LRRC7: variants seen among roughly 807,000 people sequenced by gnomAD.
LRRC7 encodes leucine-rich repeat-containing protein 7.
In LRRC7, 23 loss-of-function variants were observed where a neutral mutation model predicts 175.7. The ratio of observed to expected loss-of-function variants is 0.13; its 90% CI spans 0.09 to 0.19. LRRC7 has a LOEUF of 0.19. Among genes scored for constraint, LRRC7 ranks in the 10% least tolerant of loss-of-function variants. The pLI, the probability that LRRC7 is intolerant of heterozygous loss-of-function variation, is 1.00. For synonymous variants in LRRC7, 685 were observed against 680.9 expected (o/e 1.01, Z -0.09); for missense variants, 1,354 against 1,904.7 (o/e 0.71, Z 5.38).
At chr1:69,860,519 T>C (rs1684247624) in intron 7 of LRRC7, among the ~76,000 whole-genome samples, 1 of 151,996 alleles carries the variant, frequency 6.6e-6, no homozygotes, top group Non-Finnish European at 1.5e-5. Context: ...TTGCTAACCA[T>C]ATGGCCATAC....
chr1:69,918,954 T>G (rs967386473), intron 7 of LRRC7, among the ~76,000 whole-genome samples: 24 of 152,130 alleles, frequency 1.6e-4, no homozygotes, highest in African/African-American at 5.3e-4. Flanking sequence ...GAAGCTATAT[T>G]ATAAATTTTA....
intron 1 of LRRC7, among the ~76,000 whole-genome samples, chr1:69,626,771 T>C (rs1651647007): frequency 7.1e-6 from 1 of 140,164 alleles, no homozygotes; most frequent in Non-Finnish European, 1.5e-5. Flanking sequence ...CCCCATCCTG[T>C]GTGCAAGTGT....
At chr1:69,727,655 T>A (rs1435548766) in intron 2 of LRRC7, among the ~76,000 whole-genome samples, 1 of 152,316 alleles carries the variant, frequency 6.6e-6, no homozygotes, top group Non-Finnish European at 1.5e-5. Flanking sequence ...GCTTTCTGTG[T>A]GAGCTCTAAG....
chr1:69,834,757 C>G (rs1238679090), intron 5 of LRRC7, 23 bp from the exon 6 acceptor site: 2 of 1,583,458 alleles, frequency 1.3e-6, no homozygotes, highest in South Asian at 1.1e-5. Flanking sequence ...AATGCAGTGA[C>G]TAAAACTTTA....
At chr1:70,023,681 C>T (rs980230022) in intron 17 of LRRC7, among the ~76,000 whole-genome samples, 1 of 151,566 alleles carries the variant, frequency 6.6e-6, no homozygotes, top group Admixed American at 6.6e-5. Context: ...AATAGTTGGG[C>T]AGAATGTTGA....
At chr1:69,956,277 A>G (rs1650473084) in intron 8 of LRRC7, among the ~76,000 whole-genome samples, 1 of 151,900 alleles carries the variant, frequency 6.6e-6, no homozygotes, top group Non-Finnish European at 1.5e-5. Flanking sequence ...ATTAACCTAT[A>G]TCAACATTTT....
At chr1:69,737,274 A>G (rs1286009496) in intron 2 of LRRC7, among the ~76,000 whole-genome samples, 1 of 152,014 alleles carries the variant, frequency 6.6e-6, no homozygotes, top group Non-Finnish European at 1.5e-5. Context: ...GGTTTTTCCC[A>G]TGCTGTTCTC....
At chr1:69,799,560 G>A (rs1231299323) in intron 4 of LRRC7, among the ~76,000 whole-genome samples, 3 of 152,030 alleles carry the variant, frequency 2.0e-5, no homozygotes, top group Non-Finnish European at 4.4e-5. Flanking sequence ...TTGAATTGCA[G>A]ACTAATATTC....
chr1:69,720,359 G>A (rs1414754940), intron 2 of LRRC7, among the ~76,000 whole-genome samples: 1 of 151,442 alleles, frequency 6.6e-6, no homozygotes, highest in Non-Finnish European at 1.5e-5. Context: ...ATTACTACTA[G>A]CAATTCCCTG....
At chr1:70,106,690 CA>C (rs1343992442) in intron 25 of LRRC7, among the ~76,000 whole-genome samples, 1 of 152,150 alleles carries the variant, frequency 6.6e-6, no homozygotes, top group African/African-American at 2.4e-5. Context: ...GCTGCGCTCC[CA>C]ATCCCATCCA....
chr1:69,827,348 T>C (rs1190912179), intron 5 of LRRC7, among the ~76,000 whole-genome samples: 2 of 152,156 alleles, frequency 1.3e-5, no homozygotes, highest in Non-Finnish European at 2.9e-5. Context: ...CTTTGAGAAA[T>C]TTCAAGTCTA....
intron 7 of LRRC7, among the ~76,000 whole-genome samples, chr1:69,845,494 A>T (rs1682255545): frequency 6.6e-6 from 1 of 152,060 alleles, no homozygotes; most frequent in South Asian, 2.1e-4. Context: ...GACTTATCTA[A>T]AATATAATAG....
intron 2 of LRRC7, among the ~76,000 whole-genome samples, chr1:69,739,451 C>A (rs1253040131): frequency 6.6e-6 from 1 of 152,052 alleles, no homozygotes; most frequent in African/African-American, 2.4e-5. Flanking sequence ...AGCTTGAGGC[C>A]ATCTTTCTAC....
chr1:69,746,494 G>C (rs1379657131), intron 2 of LRRC7, among the ~76,000 whole-genome samples: 1 of 151,958 alleles, frequency 6.6e-6, no homozygotes, highest in East Asian at 1.9e-4. Flanking sequence ...TTTTTTACCT[G>C]TATCTGAAAA....
chr1:69,844,214 C>T (rs1682074355), intron 7 of LRRC7, among the ~76,000 whole-genome samples: 1 of 150,698 alleles, frequency 6.6e-6, no homozygotes. Context: ...GACTACTTAA[C>T]ATGAGATCTA....
chr1:69,745,267 A>G (rs1170578466), intron 2 of LRRC7, among the ~76,000 whole-genome samples: 1 of 152,020 alleles, frequency 6.6e-6, no homozygotes, highest in East Asian at 1.9e-4. Context: ...ATAACAAATA[A>G]AGATACAGAC....
chr1:69,631,272 T>C (rs1053830753), intron 1 of LRRC7, among the ~76,000 whole-genome samples: 2 of 152,148 alleles, frequency 1.3e-5, no homozygotes, highest in Admixed American at 6.6e-5. Flanking sequence ...AGTAAGCACA[T>C]TTTCTATGAA....
intron 7 of LRRC7, among the ~76,000 whole-genome samples, chr1:69,860,569 A>G (rs547025045): frequency 3.9e-5 from 6 of 152,018 alleles, no homozygotes; most frequent in Admixed American, 1.3e-4. Context: ...TATATACTAG[A>G]ATGAATAAGA....
intron 7 of LRRC7, among the ~76,000 whole-genome samples, chr1:69,891,555 A>C (rs1645833562): frequency 6.6e-6 from 1 of 152,128 alleles, no homozygotes; most frequent in Non-Finnish European, 1.5e-5. Context: ...AACATGGTGA[A>C]ACCCCACCTC....
Sources: allele counts gnomAD v4.1 joint callset (sites outside exome capture counted in the v4.1 genomes callset), GRCh38; gene constraint gnomAD v4.1.1; transcripts MANE v1.5; gene names NCBI Gene and HGNC (gene_info 2026-07-23, HGNC 2026-07-21).